SLC16A10: variants seen among roughly 807,000 people sequenced by gnomAD.
SLC16A10 encodes the protein solute carrier family 16 member 10.
A neutral mutation model predicts 40.0 loss-of-function variants in SLC16A10; 27 were observed. The observed-to-expected ratio is 0.67, with a 90% confidence interval of 0.50 to 0.93. The LOEUF (loss-of-function observed/expected upper bound fraction) is 0.93, where lower values mean the gene tolerates loss of function less well. SLC16A10 is among the 40% of genes least tolerant of loss of function. The pLI is 0.00. For missense variants in SLC16A10, 529 were observed against 658.2 expected (o/e 0.80, Z 2.15); for synonymous variants, 213 against 249.8 (o/e 0.85, Z 1.39).
At chr6:111,090,475 G>A (rs1337339051) in intron 1 of SLC16A10, among the ~76,000 whole-genome samples, 4 of 152,158 alleles carry the variant, frequency 2.6e-5, no homozygotes, top group African/African-American at 9.7e-5. Flanking sequence ...TTGGGTGCTA[G>A]GTAATACATA....
chr6:111,137,516 C>T (rs1286492092), intron 1 of SLC16A10, among the ~76,000 whole-genome samples: 2 of 152,222 alleles, frequency 1.3e-5, no homozygotes, highest in Non-Finnish European at 2.9e-5. Context: ...TGTAAAGCTA[C>T]AAATGGTTCT....
At position 111,134,208 on chromosome 6, in the gene SLC16A10, G is replaced by A. The variant is rs914779307; in HGVS notation, c.344-38487G>A. On this transcript the variant is annotated intron_variant, in intron 1 of 5. Transcript: ENST00000368851. Reference sequence around the variant, plus strand: ...GAATCAGAAGATGGAGATTGGTGCCGCAGACATTTGCTAACTTGCGTGCTA... The same window carrying A: ...GAATCAGAAGATGGAGATTGGTGCCACAGACATTTGCTAACTTGCGTGCTA... Among the ~76,000 whole-genome samples, 15 of 152,270 alleles carry A rather than the reference G, an allele frequency of 9.9e-5. No homozygotes were observed. In the South Asian group the frequency reaches 1.5e-3, roughly 15 times the overall value.
rs1025847661 is a variant in SLC16A10, at chr6:111,101,554, T to C, written c.343+13459T>C. Among the ~76,000 whole-genome samples the C allele has an allele frequency of 6.6e-5, 10 of 152,232 alleles. 1 individual carries two copies. The highest frequency in any genetic ancestry group is 2.4e-4 in the African/African-American group (10 of 41,450). On this transcript the variant is annotated intron_variant, in intron 1 of 5. Coordinates refer to ENST00000368851, the MANE Select transcript of SLC16A10 (RefSeq NM_018593.5). ...GTCAGTTCAGATCAAGTTTTGCTTC[T>C]AATTAAATGTTGATATTCTCTTACA...
chr6:111,159,694 T>C (rs1208708746), intron 1 of SLC16A10, among the ~76,000 whole-genome samples: 2 of 152,304 alleles, frequency 1.3e-5, no homozygotes, highest in East Asian at 3.9e-4. Flanking sequence ...ATATGGTAGG[T>C]TTATGTTTAA....
chr6:111,131,704 C>G (rs59862040), intron 1 of SLC16A10, among the ~76,000 whole-genome samples: 1,843 of 152,280 alleles, frequency 0.012, 26 homozygotes, highest in African/African-American at 0.043. Flanking sequence ...GTTGGGCTGT[C>G]TGGAACCAGC....
chr6:111,142,847 C>T (rs1437743498), intron 1 of SLC16A10, among the ~76,000 whole-genome samples: 2 of 152,194 alleles, frequency 1.3e-5, no homozygotes, highest in Non-Finnish European at 2.9e-5. Flanking sequence ...ATCATATGAT[C>T]CAACAATTGC....
At chr6:111,163,146 ATTTTTT>A (rs34027805) in intron 1 of SLC16A10, among the ~76,000 whole-genome samples, 3 of 85,310 alleles carry the variant, frequency 3.5e-5, no homozygotes, top group African/African-American at 1.4e-4. Flanking sequence ...CAACATAATA[ATTTTTT>A]TTTTTTTTTT....
chr6:111,158,395 A>T (rs1772310897), intron 1 of SLC16A10, among the ~76,000 whole-genome samples: 1 of 152,082 alleles, frequency 6.6e-6, no homozygotes, highest in Non-Finnish European at 1.5e-5. Flanking sequence ...GACAAATTGG[A>T]GGGGGAATGA....
chr6:111,126,842 G>C (rs1293487161), intron 1 of SLC16A10, among the ~76,000 whole-genome samples: 1 of 152,116 alleles, frequency 6.6e-6, no homozygotes, highest in Non-Finnish European at 1.5e-5. Context: ...TTACCTAGCT[G>C]AGTGATGGTG....
chr6:111,106,209 C>A (rs1366032287), intron 1 of SLC16A10, among the ~76,000 whole-genome samples: 1 of 152,134 alleles, frequency 6.6e-6, no homozygotes, highest in Non-Finnish European at 1.5e-5. Context: ...CTTTTAAATT[C>A]CATGCCAACA....
rs563235411 is a variant in SLC16A10 at position 111,225,193 on chromosome 6, A to G, written c.*2958A>G. ...GTTCATCTCTTTGATCATATTTACA[A>G]TGCTTACTCCATAGCCCTGCTACAA... On this transcript the variant is annotated 3_prime_UTR_variant, in exon 6 of 6. Transcript: ENST00000368851. 1 of 152,338 alleles carries G rather than the reference A, an allele frequency of 6.6e-6. No individual in the cohort carries two copies. The highest frequency in any genetic ancestry group is 1.9e-4 in the East Asian group (1 of 5,188). The allele number at this position is 152,338 out of a possible 1,614,324, so 9.4% of individuals were successfully genotyped here.
rs56973863 is a variant in SLC16A10, at chr6:111,103,051, G to C, written c.343+14956G>C. 1.2e-3 allele frequency among the ~76,000 whole-genome samples: 175 copies of C among 151,982 alleles called. 2 individuals carry two copies. The highest frequency in any genetic ancestry group is 3.8e-3 in the African/African-American group (157 of 41,454). On this transcript the variant is annotated intron_variant, in intron 1 of 5. Coordinates refer to ENST00000368851, the MANE Select transcript of SLC16A10 (RefSeq NM_018593.5). ...CTCCTGAGTAGCTGGGACTACAAGT[G>C]CATGTCACCACATTTGGCTAATTTT... is the stretch of plus-strand genomic sequence containing the variant.
At chr6:111,128,709 G>A (rs934192295) in intron 1 of SLC16A10, among the ~76,000 whole-genome samples, 1 of 152,068 alleles carries the variant, frequency 6.6e-6, no homozygotes, top group Non-Finnish European at 1.5e-5. Flanking sequence ...GAAGATGGAA[G>A]GGGGCTTGCC....
chr6:111,177,527 C>T lies in SLC16A10; in HGVS notation c.804C>T (p.Ser268=), dbSNP rs1299076888. 1.9e-6 allele frequency: 3 copies of T among 1,613,312 alleles called. No homozygotes were observed. The highest frequency in any genetic ancestry group is 2.5e-6 in the Non-Finnish European group (3 of 1,179,892). The change falls in exon 3 of 6, where the codon TCC becomes TCT. Residue 268 remains serine (S), a synonymous_variant. Coordinates refer to ENST00000368851, the MANE Select transcript of SLC16A10 (RefSeq NM_018593.5). ...TKDKESGGSG[S]SLFSRKKFSP... Reference sequence around the variant, plus strand: ...ATAAAGAGAGTGGAGGTAGCGGATCCTCCCTCTTTTCCAGGAAAAAGTTCA... The same window carrying T: ...ATAAAGAGAGTGGAGGTAGCGGATCTTCCCTCTTTTCCAGGAAAAAGTTCA...
At position 111,222,563 on chromosome 6, in the gene SLC16A10, C is replaced by A; in HGVS notation, c.*328C>A. ...TACAAATGTTTAAAAATACCTCAGG[C>A]TATACTGAAAGGGTTGCAGTTTGGT... On this transcript the variant is annotated 3_prime_UTR_variant, in exon 6 of 6. Coordinates refer to ENST00000368851, the MANE Select transcript of SLC16A10 (RefSeq NM_018593.5). The A allele has an allele frequency of 4.2e-6, 1 of 240,370 alleles. No individual in the cohort carries two copies. Among genetic ancestry groups the A allele is most frequent in the Non-Finnish European group, 7.9e-6 (1 of 127,044 alleles). 14.9% of individuals were successfully genotyped at this position (240,370 alleles called of 1,614,324 possible).
chr6:111,200,748 A>AT (rs970462201), intron 3 of SLC16A10, among the ~76,000 whole-genome samples: 55 of 152,120 alleles, frequency 3.6e-4, no homozygotes, highest in African/African-American at 1.3e-3. Context: ...ATGTACGTCT[A>AT]TTTTTTTAAA....
At chr6:111,217,955 T>C (rs550840461) in intron 4 of SLC16A10, among the ~76,000 whole-genome samples, 1 of 152,270 alleles carries the variant, frequency 6.6e-6, no homozygotes, top group African/African-American at 2.4e-5. Context: ...CTCTAGCACA[T>C]AGCACAGTGC....
At chr6:111,217,437 TTTGTTGTTG>T (rs552141883) in intron 4 of SLC16A10, among the ~76,000 whole-genome samples, 4 of 138,610 alleles carry the variant, frequency 2.9e-5, no homozygotes, top group Non-Finnish European at 4.9e-5. Flanking sequence ...TTGTTCAGTT[TTTGTTGTTG>T]TTGTTGTTGT....
chr6:111,092,905 G>T (rs1211087999), intron 1 of SLC16A10, among the ~76,000 whole-genome samples: 1 of 151,940 alleles, frequency 6.6e-6, no homozygotes, highest in South Asian at 2.1e-4. Context: ...GCTGGGCATG[G>T]TGGCGGATGC....
Sources: gnomAD v4.1 joint callset for allele counts (sites outside exome capture counted in the v4.1 genomes callset) on GRCh38, gnomAD v4.1.1 for gene constraint, MANE v1.5 for transcripts, NCBI Gene and HGNC (gene_info 2026-07-23, HGNC 2026-07-21) for gene names.